IL1RL1: variants seen among roughly 807,000 people sequenced by gnomAD.
IL1RL1 encodes the protein interleukin-1 receptor-like 1.
In IL1RL1, 32 loss-of-function variants were observed where a neutral mutation model predicts 50.9. The ratio of observed to expected loss-of-function variants is 0.63; its 90% CI spans 0.47 to 0.84. The LOEUF is 0.84. Ranked by LOEUF, IL1RL1 falls within the 40% of genes least tolerant of loss-of-function variation. IL1RL1 has a pLI of 0.00. For missense variants in IL1RL1, 773 were observed against 662.9 expected (o/e 1.17, Z -1.82); for synonymous variants, 275 against 236.0 (o/e 1.17, Z -1.51).
intron 10 of IL1RL1, among the ~76,000 whole-genome samples, chr2:102,350,109 A>G (rs960904107): frequency 2.7e-5 from 2 of 75,368 alleles, no homozygotes; most frequent in East Asian, 2.4e-4. Flanking sequence ...GAAAGATACA[A>G]TTTAGGAGAA....
chr2:102,311,926 T>TATATATTATATATAATATTATATATA (rs1676497748), intron 1 of IL1RL1, among the ~76,000 whole-genome samples: 1 of 41,890 alleles, frequency 2.4e-5, no homozygotes, highest in Non-Finnish European at 3.9e-5. Context: ...TATTATATAA[T>TATATATTATATATAATATTATATATA]ATATATTATA....
In IL1RL1 at chr2:102,338,135, T is replaced by C; in HGVS notation, c.-130T>C. On this transcript the variant is annotated 5_prime_UTR_variant, in exon 2 of 11. Coordinates refer to ENST00000233954, the MANE Select transcript of IL1RL1 (RefSeq NM_016232.5). ...TTTCAGTTGAGATATAGGCTACTCT[T>C]CCCAACTCAGTCTTGAAGAGTATCA... The C allele has an allele frequency of 1.8e-6, 1 of 551,576 alleles. No individual in the cohort carries two copies. Among genetic ancestry groups the C allele is most frequent in the Non-Finnish European group, 3.3e-6 (1 of 303,346 alleles). The allele number at this position is 551,576 out of a possible 1,614,324, so 34.2% of individuals were successfully genotyped here.
At chr2:102,319,918 G>A (rs1328706362) in intron 1 of IL1RL1, among the ~76,000 whole-genome samples, 1 of 152,084 alleles carries the variant, frequency 6.6e-6, no homozygotes, top group Non-Finnish European at 1.5e-5. Context: ...TGAACTCCTG[G>A]GCTCCAGCAG....
At chr2:102,348,541 A>C (rs1235019024) in intron 9 of IL1RL1, among the ~76,000 whole-genome samples, 1 of 152,206 alleles carries the variant, frequency 6.6e-6, no homozygotes. Flanking sequence ...GCACACAAGC[A>C]TGTGCATGAA....
Position 102,342,313 on chromosome 2 carries a change from A to AT in IL1RL1, c.682+20dup, listed in dbSNP as rs750778006. ...GAAATTGGTAAGAAAATTTATCAGAATGCTGTAAATATTGCCTGGAAAAAT... is the reference window on the plus strand; with the variant it reads ...GAAATTGGTAAGAAAATTTATCAGAATTGCTGTAAATATTGCCTGGAAAAAT... On this transcript the variant is annotated intron_variant, in intron 6 of 10. Transcript: ENST00000233954. 4.7e-5 allele frequency: 73 copies of AT among 1,544,114 alleles called. No homozygotes were observed. Among genetic ancestry groups the AT allele is most frequent in the Non-Finnish European group, 6.3e-5 (70 of 1,116,950 alleles).
At chr2:102,311,968 A>T (rs538327925) in intron 1 of IL1RL1, among the ~76,000 whole-genome samples, 2 of 27,662 alleles carry the variant, frequency 7.2e-5, no homozygotes, top group Non-Finnish European at 1.3e-4. Context: ...TATTATATAT[A>T]ATATTATATA....
chr2:102,314,498 G>T (rs1265802785), intron 1 of IL1RL1, among the ~76,000 whole-genome samples: 1 of 152,172 alleles, frequency 6.6e-6, no homozygotes, highest in African/African-American at 2.4e-5. Context: ...AAGAAGACTT[G>T]ATAACTTATC....
chr2:102,339,021 T>A lies in IL1RL1; in HGVS notation c.246T>A (p.Ser82=). The change falls in exon 3 of 11, where the codon TCT becomes TCA. Residue 82 remains serine (S), a synonymous_variant. Transcript: ENST00000233954. The stretch of plus-strand genomic sequence containing the variant: ...TTCTACCAGCTGCAGTTGCTGATTC[T>A]GGTATTTATACCTGTATTGTCAGAA... ...LKFLPAAVAD[S]GIYTCIVRSP... 3 of 1,613,142 alleles carry A rather than the reference T, an allele frequency of 1.9e-6. No homozygotes were observed. The highest frequency in any genetic ancestry group is 2.5e-6 in the Non-Finnish European group (3 of 1,179,146).
chr2:102,326,689 G>T (rs1428817910), intron 1 of IL1RL1, among the ~76,000 whole-genome samples: 1 of 151,736 alleles, frequency 6.6e-6, no homozygotes. Flanking sequence ...CAAAAAAAAG[G>T]CAGGGGTTGC....
chr2:102,311,952 A>AATATATATTATAT (rs1676504461), intron 1 of IL1RL1, among the ~76,000 whole-genome samples: 2 of 41,338 alleles, frequency 4.8e-5, no homozygotes, highest in Non-Finnish European at 8.2e-5. Context: ...TATTATATAT[A>AATATATATTATAT]ATATATATTA....
Position 102,338,966 on chromosome 2 carries a change from G to A in IL1RL1, c.191G>A (p.Arg64His), listed in dbSNP as rs1418146024. 1.5e-5 allele frequency: 24 copies of A among 1,613,852 alleles called. No individual in the cohort carries two copies. Among genetic ancestry groups the A allele is most frequent in the Non-Finnish European group, 1.9e-5 (23 of 1,179,898 alleles). The change falls in exon 3 of 11, where the codon CGT becomes CAT. Residue 64 changes from arginine (R) to histidine (H), a missense_variant. Transcript: ENST00000233954. Reference protein sequence around the residue: ...NKSIPTQERNRVFASGQLLKF... With the variant: ...NKSIPTQERNHVFASGQLLKF... ...AGTATTCCCACTCAGGAAAGAAATCGTGTGTTTGCCTCAGGCCAACTTCTG... is the reference window on the plus strand; with the variant it reads ...AGTATTCCCACTCAGGAAAGAAATCATGTGTTTGCCTCAGGCCAACTTCTG...
chr2:102,347,960 T>C lies in IL1RL1; in HGVS notation c.986T>C (p.Ile329Thr), dbSNP rs185314669. 6.6e-6 allele frequency: 10 copies of C among 1,505,684 alleles called. No individual in the cohort carries two copies. The highest frequency in any genetic ancestry group is 1.8e-6 in the Non-Finnish European group (2 of 1,081,970). 93.3% of individuals were successfully genotyped at this position (1,505,684 alleles called of 1,614,324 possible). Reference protein sequence around the residue: ...SRKNPIDHHSIYCIIAVCSVF... With the variant: ...SRKNPIDHHSTYCIIAVCSVF... The stretch of plus-strand genomic sequence containing the variant: ...TTTTGAATAGTTGATCATCATAGCA[T>C]CTACTGCATAATTGCAGTATGTAGT... Residue 329 changes from isoleucine to threonine, a missense_variant, in exon 9 of 11, where the codon ATC becomes ACC. Ile to Thr is a moderately conservative substitution (Grantham distance 89). Transcript: ENST00000233954.
intron 8 of IL1RL1, 117 bp downstream of exon 8, chr2:102,343,532 G>A (rs1299162833): frequency 1.9e-6 from 3 of 1,588,362 alleles, no homozygotes; most frequent in African/African-American, 2.7e-5. Flanking sequence ...GCCATAAAAT[G>A]TGCTTCTCTT....
intron 1 of IL1RL1, among the ~76,000 whole-genome samples, chr2:102,317,226 C>G (rs1213691687): frequency 6.6e-6 from 1 of 151,856 alleles, no homozygotes; most frequent in Admixed American, 6.6e-5. Flanking sequence ...TGGTGGTGGG[C>G]GCCTGTAGTC....
chr2:102,313,956 A>G (rs1326275454), intron 1 of IL1RL1, among the ~76,000 whole-genome samples: 2 of 152,226 alleles, frequency 1.3e-5, no homozygotes, highest in African/African-American at 4.8e-5. Flanking sequence ...GTTCCAAGAA[A>G]GAGAAAGGAA....
At chr2:102,328,307 C>G (rs924816804) in intron 1 of IL1RL1, among the ~76,000 whole-genome samples, 39 of 152,008 alleles carry the variant, frequency 2.6e-4, no homozygotes, top group African/African-American at 3.6e-4. Flanking sequence ...ATTCAACAAC[C>G]CTTCATGCTA....
intron 1 of IL1RL1, among the ~76,000 whole-genome samples, chr2:102,311,841 T>TATATATTATATAA (rs1284569763): frequency 6.4e-5 from 3 of 46,552 alleles, no homozygotes; most frequent in African/African-American, 1.5e-4. Flanking sequence ...TATTATATAA[T>TATATATTATATAA]TGTAATATAT....
In IL1RL1 at chr2:102,340,197, AT is replaced by A. The variant is rs1425712687; in HGVS notation, c.373del (p.Ser125GlnfsTer47). The A allele has an allele frequency of 2.5e-6, 4 of 1,604,906 alleles. No individual in the cohort carries two copies. Among genetic ancestry groups the A allele is most frequent in the Non-Finnish European group, 2.5e-6 (3 of 1,177,068 alleles). ...DYLMYSTVSG[S>X]EKNSKIYCPT... Reference sequence around the variant, plus strand: ...ATTTGATGTATTCAACAGTATCTGGATCAGAAAAAAATTCCAAAATTTATTG... The same window carrying A: ...ATTTGATGTATTCAACAGTATCTGGACAGAAAAAAATTCCAAAATTTATTG... On this transcript the variant is annotated frameshift_variant, in exon 4 of 11. Coordinates refer to ENST00000233954, the MANE Select transcript of IL1RL1 (RefSeq NM_016232.5). LOFTEE classifies it high-confidence loss of function.
chr2:102,331,234 G>T (rs1329638428), intron 1 of IL1RL1, among the ~76,000 whole-genome samples: 1 of 152,100 alleles, frequency 6.6e-6, no homozygotes, highest in Non-Finnish European at 1.5e-5. Flanking sequence ...ACTTTAATTT[G>T]CCATGCAGAC....
Sources: gnomAD v4.1 joint callset for allele counts (sites outside exome capture counted in the v4.1 genomes callset) on GRCh38, gnomAD v4.1.1 for gene constraint, MANE v1.5 for transcripts, NCBI Gene and HGNC (gene_info 2026-07-23, HGNC 2026-07-21) for gene names.